The following EIF4G3 variants were observed in gnomAD, a reference collection of about 807,000 sequenced individuals.
The protein encoded by EIF4G3 is eIF-4-gamma 3.
A neutral mutation model predicts 186.4 loss-of-function variants in EIF4G3; 34 were observed. The observed-to-expected ratio is 0.18, with a 90% CI of 0.14 to 0.24. The LOEUF (loss-of-function observed/expected upper bound fraction) is 0.24, where lower values mean the gene tolerates loss of function less well. Ranked by LOEUF, EIF4G3 falls within the 10% of genes least tolerant of loss-of-function variation. The pLI is 1.00. For missense variants in EIF4G3, 1,536 were observed against 1,948.5 expected (o/e 0.79, Z 3.99); for synonymous variants, 673 against 679.5 (o/e 0.99, Z 0.15).
intron 2 of EIF4G3, among the ~76,000 whole-genome samples, chr1:21,111,806 A>G (rs1399247180): frequency 1.3e-5 from 2 of 152,234 alleles, no homozygotes; most frequent in Non-Finnish European, 2.9e-5. Flanking sequence ...TCTGCCATGA[A>G]AGCTGTTAAT....
intron 2 of EIF4G3, among the ~76,000 whole-genome samples, chr1:21,153,321 T>A (rs1558210724): frequency 6.6e-6 from 1 of 152,246 alleles, no homozygotes; most frequent in Admixed American, 6.5e-5. Flanking sequence ...AATAGCACTA[T>A]CATTCTTTTA....
In EIF4G3 at chr1:21,002,732, T is replaced by G. The variant is rs764173884; in HGVS notation, c.11A>C (p.Gln4Pro). The G allele has an allele frequency of 1.2e-6, 2 of 1,613,656 alleles. No homozygotes were observed. Among genetic ancestry groups the G allele is most frequent in the Non-Finnish European group, 1.7e-6 (2 of 1,179,772 alleles). MNS[Q>P]PQTRSPPSRT... ...ACTTACCGGAGAACGGGTTTGAGGTTGTGAATTCATTGTCTGAGGGGTTTG... is the reference window on the plus strand; with the variant it reads ...ACTTACCGGAGAACGGGTTTGAGGTGGTGAATTCATTGTCTGAGGGGTTTG... The change falls in exon 5 of 37, where the codon CAA becomes CCA. Residue 4 changes from glutamine to proline, a missense_variant. By Grantham distance (76) the Gln-to-Pro change is moderately conservative. Coordinates refer to ENST00000602326, the MANE Select transcript of EIF4G3 (RefSeq NM_001391906.1).
intron 2 of EIF4G3, among the ~76,000 whole-genome samples, chr1:21,155,981 G>C (rs2097652241): frequency 6.6e-6 from 1 of 152,002 alleles, no homozygotes; most frequent in Non-Finnish European, 1.5e-5. Flanking sequence ...ACAAAAATTA[G>C]CTGGGCGTGG....
intron 4 of EIF4G3, among the ~76,000 whole-genome samples, chr1:21,038,908 A>C (rs2093401079): frequency 1.3e-5 from 2 of 152,226 alleles, no homozygotes; most frequent in African/African-American, 4.8e-5. Context: ...AGAATCCTAT[A>C]AAAATCCCAA....
intron 32 of EIF4G3, among the ~76,000 whole-genome samples, chr1:20,826,348 G>A (rs982488603): frequency 2.0e-5 from 3 of 151,478 alleles, no homozygotes; most frequent in Non-Finnish European, 2.9e-5. Context: ...TGTATTTTTA[G>A]TAGAGATGGG....
At chr1:20,902,974 T>A (rs2090888209) in intron 15 of EIF4G3, among the ~76,000 whole-genome samples, 1 of 152,218 alleles carries the variant, frequency 6.6e-6, no homozygotes, top group Non-Finnish European at 1.5e-5. Context: ...AAAAAGTGAT[T>A]GGTTCAAAAT....
At chr1:20,872,237 C>T (rs56090851) in intron 20 of EIF4G3, among the ~76,000 whole-genome samples, 3 of 152,002 alleles carry the variant, frequency 2.0e-5, no homozygotes, top group African/African-American at 7.2e-5. Context: ...ATCCTCTTGC[C>T]TCAGCCTTTG....
In EIF4G3 at chr1:21,130,981, C is replaced by T. The variant is rs150194181; in HGVS notation, c.-271-41768G>A. Among the ~76,000 whole-genome samples, 68 of 151,964 alleles carry T rather than the reference C, an allele frequency of 4.5e-4. No homozygotes were observed. In the East Asian group the frequency reaches 0.011, roughly 25 times the overall value. ...GGCACGGTGGCTCATACCTATAATC[C>T]CAGCACTTTGGGATTTGGGAGGTCA... On this transcript the variant is annotated intron_variant, in intron 2 of 36. Transcript: ENST00000602326.
At chr1:21,070,414 G>T (rs1431624804) in intron 3 of EIF4G3, among the ~76,000 whole-genome samples, 2 of 152,078 alleles carry the variant, frequency 1.3e-5, no homozygotes, top group Non-Finnish European at 2.9e-5. Flanking sequence ...ACTTACAAAT[G>T]TGTAAAAATA....
Position 20,840,941 on chromosome 1 carries a change from T to G in EIF4G3, c.3976A>C (p.Ser1326Arg), listed in dbSNP as rs753853391. ...CCCATGTGATCCCTGGTGATCTGGC[T>G]CCTTTCCAGGGTGGACTCCACTCCC... The part of the protein sequence containing the change: ...RVGVESTLER[S>R]QITRDHMGQL... Residue 1326 changes from serine (S) to arginine (R), a missense_variant, in exon 30 of 37, where the codon AGC becomes CGC. Around this residue, in one of 11 missense-constraint regions of EIF4G3, gnomAD observed 395 missense variants for 498.9 expected, o/e 0.79. Coordinates refer to ENST00000602326, the MANE Select transcript of EIF4G3 (RefSeq NM_001391906.1). The G allele has an allele frequency of 4.8e-5, 77 of 1,613,972 alleles. No homozygotes were observed. Among genetic ancestry groups the G allele is most frequent in the Admixed American group, 5.0e-5 (3 of 59,986 alleles).
intron 2 of EIF4G3, among the ~76,000 whole-genome samples, chr1:21,152,699 A>T (rs1362926477): frequency 6.6e-6 from 1 of 152,242 alleles, no homozygotes; most frequent in Non-Finnish European, 1.5e-5. Context: ...TTTATGCCAT[A>T]TAATAAAATA....
intron 4 of EIF4G3, among the ~76,000 whole-genome samples, chr1:21,027,193 ATTT>A (rs34372978): frequency 1.5e-5 from 2 of 132,188 alleles, no homozygotes. Context: ...CACACATACA[ATTT>A]TTTTTTTTTT....
rs751589552 is a variant in EIF4G3, at chr1:20,829,214, A to G, written c.4120T>C (p.Leu1374=). The G allele has an allele frequency of 6.2e-7, 1 of 1,613,996 alleles. No individual in the cohort carries two copies. Among genetic ancestry groups the G allele is most frequent in the Non-Finnish European group, 8.5e-7 (1 of 1,179,946 alleles). The part of the protein sequence containing the change: ...DMAIDIPHIW[L]YLAELVTPML... Reference sequence around the variant, plus strand: ...GGGGTCACCAGTTCAGCAAGGTACAACCAAATATGGGGAATATCAATGGCC... The same window carrying G: ...GGGGTCACCAGTTCAGCAAGGTACAGCCAAATATGGGGAATATCAATGGCC... Residue 1374 remains leucine (L), a synonymous_variant, in exon 31 of 37, where the codon TTG becomes CTG. Coordinates refer to ENST00000602326, the MANE Select transcript of EIF4G3 (RefSeq NM_001391906.1).
chr1:21,081,155 G>A (rs762418734), intron 3 of EIF4G3, among the ~76,000 whole-genome samples: 1 of 152,198 alleles, frequency 6.6e-6, no homozygotes, highest in Non-Finnish European at 1.5e-5. Context: ...TACTTGGGCT[G>A]GGCGTGGTGG....
intron 25 of EIF4G3, 26 bp downstream of exon 25, chr1:20,857,377 A>C (rs773668608): frequency 6.3e-7 from 1 of 1,576,454 alleles, no homozygotes; most frequent in Non-Finnish European, 8.7e-7. Flanking sequence ...GGAGAGCGTA[A>C]ATTGTACTTT....
chr1:20,866,171 C>G (rs2077517939), intron 20 of EIF4G3, among the ~76,000 whole-genome samples: 1 of 152,102 alleles, frequency 6.6e-6, no homozygotes, highest in South Asian at 2.1e-4. Context: ...AACAGAAGAT[C>G]TTTGTGAAAA....
At chr1:21,096,593 T>C (rs1464914688) in intron 2 of EIF4G3, among the ~76,000 whole-genome samples, 1 of 152,200 alleles carries the variant, frequency 6.6e-6, no homozygotes. Flanking sequence ...GTCCTACATC[T>C]GAACCACTCA....
intron 13 of EIF4G3, among the ~76,000 whole-genome samples, chr1:20,942,836 A>T (rs1012222416): frequency 1.3e-5 from 2 of 152,200 alleles, no homozygotes; most frequent in Non-Finnish European, 2.9e-5. Context: ...TTTTATTTTA[A>T]AAAGTATTAC....
At position 21,132,377 on chromosome 1, in the gene EIF4G3, G is replaced by A. The variant is rs77891657; in HGVS notation, c.-271-43164C>T. ...CAAAAAGAAAATTAAATAAGCCTAG[G>A]AAAAAATGCTGAATTAAAAAAAGAA... On this transcript the variant is annotated intron_variant, in intron 2 of 36. Transcript: ENST00000602326. Among the ~76,000 whole-genome samples the A allele has an allele frequency of 6.6e-4, 101 of 152,110 alleles. 3 individuals are homozygous for A. In the East Asian group the frequency reaches 0.018, roughly 27 times the overall value.
Sources: gnomAD v4.1 joint callset for allele counts (sites outside exome capture counted in the v4.1 genomes callset) on GRCh38, gnomAD v4.1.1 for gene constraint, gnomAD v4.1.1 regional missense constraint, MANE v1.5 for transcripts, NCBI Gene and HGNC (gene_info 2026-07-23, HGNC 2026-07-21) for gene names.